TRIM37: variants seen among roughly 807,000 people sequenced by gnomAD.
TRIM37 encodes tripartite motif containing 37.
In TRIM37, 80 loss-of-function variants were observed where a neutral mutation model predicts 129.8. That is an observed-to-expected ratio of 0.62 (90% CI 0.51 to 0.74). The LOEUF is 0.74. Among genes scored for constraint, TRIM37 ranks in the 30% least tolerant of loss-of-function variants. TRIM37 has a pLI of 0.00. For missense variants in TRIM37, 1,054 were observed against 1,176.5 expected (o/e 0.90, Z 1.52); for synonymous variants, 389 against 387.1 (o/e 1.00, Z -0.06).
the TRIM37 span, among the ~76,000 whole-genome samples, chr17:58,974,920 C>G: frequency 4.6e-5 from 7 of 152,138 alleles, no homozygotes; most frequent in Non-Finnish European, 8.8e-5. Flanking sequence ...TGAGATTTGG[C>G]TTGACCTTAG....
intron 2 of TRIM37, 69 bp downstream of exon 2, chr17:59,104,224 A>C (rs2045786538): frequency 1.4e-6 from 2 of 1,446,786 alleles, no homozygotes; most frequent in Admixed American, 1.8e-5. Context: ...TAAAAAGATA[A>C]GGGAAATGGT....
chr17:58,967,519 TAGAGAG>T, the TRIM37 span, among the ~76,000 whole-genome samples: 32 of 145,172 alleles, frequency 2.2e-4, no homozygotes, highest in African/African-American at 6.3e-4. Flanking sequence ...TATATATATA[TAGAGAG>T]AGAGAGAGAG....
At chr17:58,991,300 C>T (rs1379824884) in intron 24 of TRIM37, among the ~76,000 whole-genome samples, 8 of 151,534 alleles carry the variant, frequency 5.3e-5, no homozygotes, top group African/African-American at 1.9e-4. Context: ...ATTTGGGAGG[C>T]GAAGGTGGGT....
chr17:58,975,276 A>G, the TRIM37 span, among the ~76,000 whole-genome samples: 1 of 152,224 alleles, frequency 6.6e-6, no homozygotes, highest in Admixed American at 6.5e-5. Context: ...CTTGTTACAG[A>G]ACTAACTTAA....
At position 59,047,752 on chromosome 17, in the gene TRIM37, C is replaced by T; in HGVS notation, c.1598G>A (p.Gly533Asp). The T allele has an allele frequency of 2.5e-6, 4 of 1,613,818 alleles. No homozygotes were observed. Among genetic ancestry groups the T allele is most frequent in the Non-Finnish European group, 3.4e-6 (4 of 1,179,768 alleles). ...TGTGGAACTAGCAGAGGAACTGCTG[C>T]CATCGAGCTGATTTACTTCATCCTC... ...VYEDEVNQLDGSSSSASSTAT... is the reference protein window; with the variant it reads ...VYEDEVNQLDDSSSSASSTAT... Residue 533 changes from glycine to aspartate, a missense_variant, in exon 16 of 24, where the codon GGC (glycine) becomes GAC (aspartate). Coordinates refer to ENST00000262294, the MANE Select transcript of TRIM37 (RefSeq NM_015294.6).
chr17:59,049,723 C>G (rs549523535), intron 14 of TRIM37, among the ~76,000 whole-genome samples: 1 of 152,102 alleles, frequency 6.6e-6, no homozygotes, highest in East Asian at 1.9e-4. Flanking sequence ...GTTTTGAACC[C>G]CTGGGCTCAA....
At chr17:59,092,398 C>CA (rs1335472972) in intron 2 of TRIM37, among the ~76,000 whole-genome samples, 1,064 of 93,198 alleles carry the variant, frequency 0.011, 8 homozygotes, top group Middle Eastern at 0.043. Flanking sequence ...GACTCTGTCT[C>CA]AAAAAAAAAA....
chr17:59,019,741 T>C (rs1029970554), intron 19 of TRIM37, among the ~76,000 whole-genome samples: 1 of 149,682 alleles, frequency 6.7e-6, no homozygotes, highest in African/African-American at 2.5e-5. Context: ...GAAAAATCCA[T>C]AGGGAAAAAG....
chr17:59,078,141 A>AATG (rs1427459732), intron 7 of TRIM37, among the ~76,000 whole-genome samples: 1 of 152,024 alleles, frequency 6.6e-6, no homozygotes, highest in African/African-American at 2.4e-5. Flanking sequence ...TAATAATAAT[A>AATG]ATAATAAATT....
At chr17:59,028,332 T>G in intron 19 of TRIM37, 83 bp downstream of exon 19, 1 of 1,337,118 alleles carries the variant, frequency 7.5e-7, no homozygotes, top group Non-Finnish European at 1.0e-6. Context: ...GAGTGGTATT[T>G]AAATATTATT....
At chr17:59,091,571 A>G (rs62081872) in intron 2 of TRIM37, among the ~76,000 whole-genome samples, 2 of 20,960 alleles carry the variant, frequency 9.5e-5, no homozygotes, top group Non-Finnish European at 1.8e-4. Flanking sequence ...TATATATAAT[A>G]TATATAATGT....
In TRIM37 at chr17:59,106,826, C is replaced by T. The variant is rs781390565; in HGVS notation, c.-365G>A. 38 of 455,254 alleles carry T rather than the reference C, an allele frequency of 8.3e-5. No homozygotes were observed. Among genetic ancestry groups the T allele is most frequent in the Non-Finnish European group, 1.4e-4 (34 of 251,006 alleles). 28.2% of individuals were successfully genotyped at this position (455,254 alleles called of 1,614,324 possible). A position where few individuals can be genotyped will look rare whatever the true frequency, so the allele number is the denominator to read the frequency against. On this transcript the variant is annotated 5_prime_UTR_variant, in exon 1 of 24. Coordinates refer to ENST00000262294, the MANE Select transcript of TRIM37 (RefSeq NM_015294.6). ...AGCGAAGAAGGTGCCGCAGAGAATT[C>T]GCAAACACCAACCGTAACCAGAGCA...
At chr17:59,020,767 C>T (rs2036514089) in intron 19 of TRIM37, among the ~76,000 whole-genome samples, 1 of 152,100 alleles carries the variant, frequency 6.6e-6, no homozygotes, top group Non-Finnish European at 1.5e-5. Flanking sequence ...ATCAAAACTA[C>T]AATAAGATAC....
At chr17:59,103,632 G>A (rs2036297825) in intron 2 of TRIM37, among the ~76,000 whole-genome samples, 2 of 147,816 alleles carry the variant, frequency 1.4e-5, no homozygotes, top group South Asian at 4.3e-4. Context: ...GGGCCACCGC[G>A]CTCAGGCCAA....
chr17:59,024,675 T>C (rs1307354252), intron 19 of TRIM37, among the ~76,000 whole-genome samples: 3 of 152,180 alleles, frequency 2.0e-5, no homozygotes, highest in African/African-American at 7.2e-5. Context: ...TACAGGTACA[T>C]ACCACCATGA....
intron 23 of TRIM37, 35 bp from the exon 24 acceptor site, chr17:58,999,494 TA>T: frequency 6.5e-7 from 1 of 1,531,938 alleles, no homozygotes; most frequent in Non-Finnish European, 8.9e-7. Context: ...ATTTAAAATT[TA>T]AAAGCATATA....
intron 9 of TRIM37, 139 bp from the exon 10 acceptor site, chr17:59,064,544 A>C: frequency 1.6e-6 from 1 of 643,112 alleles, no homozygotes; most frequent in Non-Finnish European, 2.7e-6. Context: ...TCTTTATTGA[A>C]CATAACATTA....
downstream of TRIM37, among the ~76,000 whole-genome samples, chr17:58,995,294 C>G (rs560447330): frequency 6.6e-6 from 1 of 151,442 alleles, no homozygotes; most frequent in Non-Finnish European, 1.5e-5. Context: ...GCATCCAAAT[C>G]TTTGTTTCTA....
At chr17:59,006,084 ACTT>A (rs1412092164) in intron 22 of TRIM37, among the ~76,000 whole-genome samples, 1 of 152,218 alleles carries the variant, frequency 6.6e-6, no homozygotes, top group African/African-American at 2.4e-5. Context: ...CATTTATTAA[ACTT>A]CTTGACTAAT....
Sources: gnomAD v4.1 joint callset for allele counts (sites outside exome capture counted in the v4.1 genomes callset) on GRCh38, gnomAD v4.1.1 for gene constraint, MANE v1.5 for transcripts, NCBI Gene and HGNC (gene_info 2026-07-23, HGNC 2026-07-21) for gene names.